SATB2: variants seen among roughly 807,000 people sequenced by gnomAD.
SATB2 encodes SATB homeobox 2, also known as DNA-binding protein SATB2.
A neutral mutation model predicts 73.4 loss-of-function variants in SATB2; 1 was observed. The ratio of observed to expected loss-of-function variants is 0.01; its 90% CI spans 0.00 to 0.06. The LOEUF is 0.06. Among genes scored for constraint, SATB2 ranks in the 10% least tolerant of loss-of-function variants. The pLI is 1.00. For synonymous variants in SATB2, 397 were observed against 367.0 expected, an observed-to-expected ratio of 1.08 and a Z score of -0.93; for missense variants, 459 against 945.8, an observed-to-expected ratio of 0.49 and a Z score of 6.75.
intron 9 of SATB2, among the ~76,000 whole-genome samples, chr2:199,309,169 A>G (rs142348917): frequency 6.6e-6 from 1 of 152,328 alleles, no homozygotes; most frequent in African/African-American, 2.4e-5. Flanking sequence ...CTCTTGTTAG[A>G]TATCGTATCA....
chr2:199,461,822 C>T (rs992829222), upstream of SATB2, among the ~76,000 whole-genome samples: 8 of 152,232 alleles, frequency 5.3e-5, no homozygotes, highest in Non-Finnish European at 1.2e-4. Flanking sequence ...CATCTTCTCT[C>T]CTTTTCTCTC....
intron 3 of SATB2, among the ~76,000 whole-genome samples, chr2:199,411,584 C>T (rs1574603338): frequency 1.3e-5 from 2 of 152,298 alleles, no homozygotes; most frequent in East Asian, 3.9e-4. Context: ...TGGAGGTCAA[C>T]ATACACACCC....
At chr2:199,331,593 G>C (rs1347157630) in intron 7 of SATB2, among the ~76,000 whole-genome samples, 1 of 152,118 alleles carries the variant, frequency 6.6e-6, no homozygotes, top group Non-Finnish European at 1.5e-5. Context: ...ATAACAAGTG[G>C]CTCACTGGTG....
intron 6 of SATB2, among the ~76,000 whole-genome samples, chr2:199,355,545 A>G (rs1421865138): frequency 1.3e-5 from 2 of 152,048 alleles, no homozygotes; most frequent in Non-Finnish European, 2.9e-5. Context: ...ATTGGCACAG[A>G]TGCCTGCCAA....
chr2:199,356,673 G>T (rs1574541661), intron 6 of SATB2, among the ~76,000 whole-genome samples: 2 of 152,198 alleles, frequency 1.3e-5, no homozygotes, highest in South Asian at 4.1e-4. Context: ...CAAACCACAT[G>T]GCTACTTTTT....
chr2:199,349,347 TA>T, intron 6 of SATB2, among the ~76,000 whole-genome samples, 174 bp from the exon 7 acceptor site: 1 of 152,312 alleles, frequency 6.6e-6, no homozygotes, highest in Admixed American at 6.5e-5. Context: ...AATGTTACAA[TA>T]GATTTTTTTC....
chr2:199,337,857 G>A (rs555009306), intron 7 of SATB2, among the ~76,000 whole-genome samples: 1 of 152,138 alleles, frequency 6.6e-6, no homozygotes, highest in African/African-American at 2.4e-5. Flanking sequence ...AGGCCAAATG[G>A]TCATCATTTC....
At chr2:199,284,820 T>C (rs1692636780) in intron 10 of SATB2, among the ~76,000 whole-genome samples, 2 of 152,036 alleles carry the variant, frequency 1.3e-5, no homozygotes, top group African/African-American at 4.8e-5. Context: ...GTACCTAACA[T>C]GTATCAACTA....
In SATB2 at chr2:199,455,147, T is replaced by A. The variant is rs1692236352; in HGVS notation, c.169+722A>T. On this transcript the variant is annotated intron_variant, in intron 2 of 10. Transcript: ENST00000417098. The surrounding 1 kb of genome is among the most constrained non-coding windows in gnomAD (Gnocchi z 4.1). ...CCTGACCACTTTAAAAGAAAGTAGT[T>A]GCTTAAGTAGTAAAAACTACAAAAG... 6.6e-6 allele frequency among the ~76,000 whole-genome samples: 1 copy of A among 152,248 alleles called. No homozygotes were observed. The highest frequency in any genetic ancestry group is 2.1e-4 in the South Asian group (1 of 4,836).
intron 3 of SATB2, among the ~76,000 whole-genome samples, chr2:199,408,301 T>C (rs1282579986): frequency 6.6e-6 from 1 of 152,164 alleles, no homozygotes; most frequent in African/African-American, 2.4e-5. Context: ...TAAGAATGTA[T>C]TAAATTATTT....
chr2:199,329,505 C>T, intron 7 of SATB2: 1 of 158,778 alleles, frequency 6.3e-6, no homozygotes, highest in Non-Finnish European at 1.4e-5. Context: ...TCTATACACA[C>T]AATAGTTATC....
At chr2:199,386,827 C>G (rs561744525) in intron 3 of SATB2, among the ~76,000 whole-genome samples, 19 of 151,942 alleles carry the variant, frequency 1.3e-4, no homozygotes, top group African/African-American at 4.6e-4. Flanking sequence ...CATTTTTTCT[C>G]TGAAAATTTA....
chr2:199,310,473 TGAA>T (rs552864084), intron 9 of SATB2, among the ~76,000 whole-genome samples: 35 of 152,286 alleles, frequency 2.3e-4, no homozygotes, highest in Non-Finnish European at 4.6e-4. Context: ...ATATAAAAAA[TGAA>T]GACAATTTTT....
At chr2:199,395,845 A>G (rs1690283999) in intron 3 of SATB2, 1 of 152,236 alleles carries the variant, frequency 6.6e-6, no homozygotes. Flanking sequence ...GCCTTTAAAA[A>G]TAAATATTTT....
At position 199,457,127 on chromosome 2, in the gene SATB2, G is replaced by A. The variant is rs1309409265; in HGVS notation, c.-60+212C>T. ...CCGCGCGAGCAGTGTCGGCGCCACG[G>A]GTCAAGGAGACAAGGTGGGGGTGGC... On this transcript the variant is annotated intron_variant, in intron 1 of 10. Transcript: ENST00000417098. The surrounding 1 kb of genome is among the most constrained non-coding windows in gnomAD (Gnocchi z 4.8). 2.6e-5 allele frequency among the ~76,000 whole-genome samples: 4 copies of A among 152,216 alleles called. No homozygotes were observed. The highest frequency in any genetic ancestry group is 5.9e-5 in the Non-Finnish European group (4 of 68,030).
At chr2:199,289,186 T>C (rs1574474574) in intron 10 of SATB2, among the ~76,000 whole-genome samples, 1 of 145,390 alleles carries the variant, frequency 6.9e-6, no homozygotes, top group Non-Finnish European at 1.5e-5. Flanking sequence ...ACATTAATGA[T>C]CTTACTACCT....
rs546332432 is a variant in SATB2 at position 199,393,663 on chromosome 2, T to C, written c.347-11843A>G. Among the ~76,000 whole-genome samples the C allele has an allele frequency of 9.1e-4, 138 of 152,212 alleles. 1 individual carries two copies. Among genetic ancestry groups the C allele is most frequent in the African/African-American group, 3.2e-3 (132 of 41,532 alleles). On this transcript the variant is annotated intron_variant, in intron 3 of 10. Transcript: ENST00000417098. ...GATTACTGTCATTTTAAAAACACAC[T>C]AAGGCTTCAAAACTGGAAATAAAGT...
chr2:199,439,116 T>C (rs970586510), intron 2 of SATB2, among the ~76,000 whole-genome samples: 1 of 152,252 alleles, frequency 6.6e-6, no homozygotes, highest in African/African-American at 2.4e-5. Context: ...GGCACCATGC[T>C]AGGCATGGAG....
chr2:199,340,148 C>T (rs1429720654), intron 7 of SATB2, among the ~76,000 whole-genome samples: 4 of 152,206 alleles, frequency 2.6e-5, no homozygotes, highest in Non-Finnish European at 5.9e-5. Flanking sequence ...TGAAAACATT[C>T]TCCAGTTGCT....
Sources: gnomAD v4.1 joint callset for allele counts (sites outside exome capture counted in the v4.1 genomes callset) on GRCh38, gnomAD v4.1.1 for gene constraint, Gnocchi (gnomAD v3.1) non-coding constraint, MANE v1.5 for transcripts, NCBI Gene and HGNC (gene_info 2026-07-23, HGNC 2026-07-21) for gene names.